The following CADM2 variants were observed in gnomAD, a reference collection of about 807,000 sequenced individuals.
The protein encoded by CADM2 is immunoglobulin superfamily member 4D.
Under a neutral mutation model 49.8 loss-of-function variants are expected in CADM2, and 12 were observed. The observed-to-expected ratio is 0.24, with a 90% confidence interval of 0.15 to 0.39. The LOEUF is 0.39. Among genes scored for constraint, CADM2 ranks in the 10% least tolerant of loss-of-function variants. The probability of loss-of-function intolerance (pLI) is 1.00; values close to 1 mark genes in which losing one functional copy is unlikely to be tolerated. For missense variants in CADM2, 378 were observed against 492.3 expected, an observed-to-expected ratio of 0.77 and a Z score of 2.20; for synonymous variants, 214 against 175.4, an observed-to-expected ratio of 1.22 and a Z score of -1.74.
chr3:85,902,404 C>T (rs1716246338), intron 5 of CADM2, among the ~76,000 whole-genome samples: 2 of 151,568 alleles, frequency 1.3e-5, no homozygotes, highest in Non-Finnish European at 3.0e-5. Context: ...CCATTTGTAT[C>T]TTTAAATCTA....
intron 2 of CADM2, among the ~76,000 whole-genome samples, chr3:85,755,093 A>G (rs1170247833): frequency 6.6e-6 from 1 of 152,174 alleles, no homozygotes; most frequent in Non-Finnish European, 1.5e-5. Context: ...CTGATATATT[A>G]TCTAGAGTTA....
chr3:85,370,073 A>G (rs1041662158), intron 1 of CADM2, among the ~76,000 whole-genome samples: 7 of 151,700 alleles, frequency 4.6e-5, no homozygotes, highest in Admixed American at 2.6e-4. Context: ...ATTAGCTGAG[A>G]ATAGTGGCAA....
At chr3:85,173,784 A>C (rs2040700949) in intron 1 of CADM2, among the ~76,000 whole-genome samples, 1 of 152,194 alleles carries the variant, frequency 6.6e-6, no homozygotes, top group Non-Finnish European at 1.5e-5. Flanking sequence ...TTTCTTTCCA[A>C]ATAATGCCCA....
chr3:85,056,399 T>C (rs1317442010), intron 1 of CADM2, among the ~76,000 whole-genome samples: 2 of 152,108 alleles, frequency 1.3e-5, no homozygotes, highest in Non-Finnish European at 2.9e-5. Flanking sequence ...ATGGGTTGAA[T>C]TTGCTTGTAT....
chr3:85,340,450 GTACATATATATGTGCATTATAGA>G (rs1160207824), intron 1 of CADM2, among the ~76,000 whole-genome samples: 3 of 151,394 alleles, frequency 2.0e-5, no homozygotes, highest in Non-Finnish European at 1.5e-5. Context: ...ATTTGTGTGT[GTACATATATATGTGCATTATAGA>G]TACATATATA....
intron 1 of CADM2, among the ~76,000 whole-genome samples, chr3:85,062,077 TACACAC>T (rs1287830638): frequency 6.7e-6 from 1 of 149,146 alleles, no homozygotes; most frequent in Non-Finnish European, 1.5e-5. Flanking sequence ...CTCTCACTCA[TACACAC>T]ACACGCACAC....
At chr3:85,322,812 A>G (rs568241180) in intron 1 of CADM2, among the ~76,000 whole-genome samples, 9 of 152,300 alleles carry the variant, frequency 5.9e-5, no homozygotes, top group African/African-American at 1.9e-4. Flanking sequence ...AATAAGAACA[A>G]TCATTCAGAG....
chr3:85,236,299 T>G (rs1280821509), intron 1 of CADM2, among the ~76,000 whole-genome samples: 1 of 152,050 alleles, frequency 6.6e-6, no homozygotes, highest in East Asian at 1.9e-4. Flanking sequence ...ATTATTAATC[T>G]TTATCATTTT....
At chr3:84,995,281 C>G (rs778416086) in intron 1 of CADM2, among the ~76,000 whole-genome samples, 1 of 152,058 alleles carries the variant, frequency 6.6e-6, no homozygotes, top group Admixed American at 6.6e-5. Flanking sequence ...ATGGCAGGTA[C>G]ATTTGTTAAC....
intron 6 of CADM2, among the ~76,000 whole-genome samples, chr3:85,929,872 T>C (rs1321598818): frequency 6.6e-6 from 1 of 152,022 alleles, no homozygotes; most frequent in Non-Finnish European, 1.5e-5. Flanking sequence ...ATCAATTCTC[T>C]TATGTATGAT....
At chr3:85,549,220 C>T (rs565777322) in intron 1 of CADM2, among the ~76,000 whole-genome samples, 4 of 152,240 alleles carry the variant, frequency 2.6e-5, no homozygotes, top group Admixed American at 2.0e-4. Flanking sequence ...CCAGGAAACA[C>T]ACAGAAGGGC....
At chr3:85,497,811 G>T (rs967539213) in intron 1 of CADM2, among the ~76,000 whole-genome samples, 7 of 151,866 alleles carry the variant, frequency 4.6e-5, no homozygotes, top group African/African-American at 1.7e-4. Flanking sequence ...CTTTTCTAAA[G>T]CTATCTATCT....
chr3:85,523,501 T>C (rs2106910656), intron 1 of CADM2, among the ~76,000 whole-genome samples: 1 of 152,178 alleles, frequency 6.6e-6, no homozygotes, highest in Non-Finnish European at 1.5e-5. Context: ...CTGAAAATAT[T>C]TGGCTGGAAA....
chr3:85,648,440 G>C (rs562228190), intron 1 of CADM2, among the ~76,000 whole-genome samples: 1 of 151,870 alleles, frequency 6.6e-6, no homozygotes, highest in South Asian at 2.1e-4. Flanking sequence ...AACCAGAAAG[G>C]GTTTAATGCA....
intron 1 of CADM2, among the ~76,000 whole-genome samples, chr3:85,450,638 T>C (rs2037710463): frequency 6.6e-6 from 1 of 151,954 alleles, no homozygotes; most frequent in African/African-American, 2.4e-5. Flanking sequence ...ATTTTGCTCC[T>C]GTGAAATCTT....
At chr3:85,149,346 C>T (rs2039849045) in intron 1 of CADM2, among the ~76,000 whole-genome samples, 1 of 151,984 alleles carries the variant, frequency 6.6e-6, no homozygotes, top group African/African-American at 2.4e-5. Context: ...GAATTGTGAG[C>T]CAATACTCTT....
rs182232779 is a variant in CADM2 at position 85,294,806 on chromosome 3, C to G, written c.61+335138C>G. Among the ~76,000 whole-genome samples, 364 of 152,282 alleles carry G rather than the reference C, an allele frequency of 2.4e-3. 6 individuals are homozygous for G. The highest frequency in any genetic ancestry group is 2.3e-3 in the East Asian group (12 of 5,190). ...AAATCAATTCAAGTTGGATTAAAGA[C>G]TTAAACGTTAGACCTAAAACCATAA... On this transcript the variant is annotated intron_variant, in intron 1 of 9. Coordinates refer to ENST00000383699, the MANE Select transcript of CADM2 (RefSeq NM_001167675.2).
chr3:85,879,296 C>G (rs917629791), intron 3 of CADM2, among the ~76,000 whole-genome samples: 2 of 151,834 alleles, frequency 1.3e-5, no homozygotes, highest in Admixed American at 6.6e-5. Flanking sequence ...AAGCACAGAC[C>G]TGCTTTATTT....
At chr3:85,593,472 C>A (rs530096038) in intron 1 of CADM2, among the ~76,000 whole-genome samples, 1 of 152,058 alleles carries the variant, frequency 6.6e-6, no homozygotes, top group South Asian at 2.1e-4. Context: ...AAATGTATAT[C>A]TGTGTTCTTA....
Sources: gnomAD v4.1 joint callset for allele counts (sites outside exome capture counted in the v4.1 genomes callset) on GRCh38, gnomAD v4.1.1 for gene constraint, MANE v1.5 for transcripts, NCBI Gene and HGNC (gene_info 2026-07-23, HGNC 2026-07-21) for gene names.